SPON2: variants seen among roughly 807,000 people sequenced by gnomAD.
The protein encoded by SPON2 is spondin-2.
A neutral mutation model predicts 29.9 loss-of-function variants in SPON2; 32 were observed. The ratio of observed to expected loss-of-function variants is 1.07; its 90% CI spans 0.81 to 1.44. The LOEUF is 1.44. Among genes scored for constraint, SPON2 ranks in the 40% most tolerant of loss-of-function variants. The probability of loss-of-function intolerance (pLI) is 0.00; values close to 1 mark genes in which losing one functional copy is unlikely to be tolerated. For missense variants in SPON2, 541 were observed against 455.5 expected (o/e 1.19, Z -1.71); for synonymous variants, 248 against 209.1 (o/e 1.19, Z -1.61).
rs1416252366 is a variant in SPON2, at chr4:1,171,059, G to T, written c.576C>A (p.Asp192Glu). ...TGGGGGAGGAGAAGGTGAAGCCGCT[G>T]TCCGTCCCGGCGTCGTAGGGGTACA... ...LDLYPYDAGTDSGFTFSSPNF... is the reference protein window; with the variant it reads ...LDLYPYDAGTESGFTFSSPNF... Residue 192 changes from aspartate to glutamate, a missense_variant, in exon 4 of 6, where the codon GAC becomes GAA. By Grantham distance (45) the Asp-to-Glu change is conservative (BLOSUM62 2). Coordinates refer to ENST00000290902, the MANE Select transcript of SPON2 (RefSeq NM_012445.4). The T allele has an allele frequency of 1.3e-6, 2 of 1,548,900 alleles. No individual in the cohort carries two copies.
chr4:1,194,516 T>C (rs1434153123), intron 1 of SPON2, among the ~76,000 whole-genome samples: 2 of 152,146 alleles, frequency 1.3e-5, no homozygotes, highest in Non-Finnish European at 2.9e-5. Context: ...CAGGCAGGGC[T>C]GTGTGGGACA....
chr4:1,187,665 T>C (rs1727831089), intron 1 of SPON2, among the ~76,000 whole-genome samples: 1 of 152,314 alleles, frequency 6.6e-6, no homozygotes, highest in African/African-American at 2.4e-5. Flanking sequence ...AATTATAATT[T>C]AATGTCAATG....
chr4:1,171,535 C>T (rs769001627), intron 2 of SPON2, 49 bp from the exon 3 acceptor site: 2 of 1,576,692 alleles, frequency 1.3e-6, no homozygotes, highest in Non-Finnish European at 1.7e-6. Context: ...ACACTGCGGT[C>T]GGGCTTGGAT....
At chr4:1,185,708 CAAA>C (rs58836347) in intron 1 of SPON2, among the ~76,000 whole-genome samples, 3 of 69,648 alleles carry the variant, frequency 4.3e-5, no homozygotes, top group Non-Finnish European at 8.2e-5. Flanking sequence ...ACTCCATCTC[CAAA>C]AAAAAAAAGA....
At chr4:1,191,995 A>G (rs1385952413) in intron 1 of SPON2, among the ~76,000 whole-genome samples, 1 of 152,168 alleles carries the variant, frequency 6.6e-6, no homozygotes. Flanking sequence ...CTCTGATGGG[A>G]TAGAAGAGAC....
intron 1 of SPON2, among the ~76,000 whole-genome samples, chr4:1,187,840 C>T (rs890328454): frequency 1.3e-5 from 2 of 152,098 alleles, no homozygotes; most frequent in Admixed American, 6.6e-5. Context: ...AAAAGAGCTA[C>T]ACACATAAAC....
In SPON2 at chr4:1,202,939, G is replaced by A. The variant is rs1353372871; in HGVS notation, c.-234+4941C>T. 2.6e-5 allele frequency among the ~76,000 whole-genome samples: 4 copies of A among 152,238 alleles called. No homozygotes were observed. Among genetic ancestry groups the A allele is most frequent in the Non-Finnish European group, 2.9e-5 (2 of 68,040 alleles). ...CAAGGAGGGCTGGGCCAGGATCGGG[G>A]GAGACCCAGGCAGGCAGTGAGCTCT... On this transcript the variant is annotated intron_variant, in intron 1 of 3. Transcript: ENST00000509233. The surrounding 1 kb of genome is among the most constrained non-coding windows in gnomAD (Gnocchi z 5.4).
chr4:1,176,427 CA>C (rs1481710699), upstream of SPON2, among the ~76,000 whole-genome samples: 3 of 152,184 alleles, frequency 2.0e-5, no homozygotes. Context: ...TCCACCCATT[CA>C]AATAGTACAT....
rs564920076 is a variant in SPON2, at chr4:1,179,226, C to T, written c.-145+222G>A. On this transcript the variant is annotated intron_variant, in intron 2 of 3. Transcript: ENST00000502483. ...GACTGCAGCCACCATGCCAGGCTCA[C>T]GGGAGGGCCAGCAAACACAGCACTC... Among the ~76,000 whole-genome samples, 3 of 98,680 alleles carry T rather than the reference C, an allele frequency of 3.0e-5. No homozygotes were observed. In the South Asian group the frequency reaches 9.9e-4, roughly 33 times the overall value. The allele number at this position is 98,680 out of a possible 152,430, so 64.7% of individuals were successfully genotyped here.
At chr4:1,183,531 T>G (rs1490816563) in intron 1 of SPON2, among the ~76,000 whole-genome samples, 1 of 152,228 alleles carries the variant, frequency 6.6e-6, no homozygotes, top group Admixed American at 6.5e-5. Context: ...TTTAAAAGCA[T>G]GAGTCAAGAA....
intron 5 of SPON2, among the ~76,000 whole-genome samples, chr4:1,169,296 G>A (rs1398773900): frequency 6.6e-6 from 1 of 152,056 alleles, no homozygotes; most frequent in Non-Finnish European, 1.5e-5. Context: ...CTGCCTGTTG[G>A]GTAAGTGGCT....
rs1727293377 is a variant in SPON2 at position 1,167,750 on chromosome 4, CAG to C, written c.812-96_812-95del. The C allele has an allele frequency of 2.2e-5, 30 of 1,369,308 alleles. No homozygotes were observed. In the South Asian group the frequency reaches 3.8e-4, roughly 17 times the overall value. The allele number at this position is 1,369,308 out of a possible 1,614,324, so 84.8% of individuals were successfully genotyped here. A position where few individuals can be genotyped will look rare whatever the true frequency, so the allele number is the denominator to read the frequency against. ...ACCTCCCACCAACGTGTGCATTCATCAGAGGCCACGCCCACCCTTCGGGGGCA... is the reference window on the plus strand; with the variant it reads ...ACCTCCCACCAACGTGTGCATTCATCAGGCCACGCCCACCCTTCGGGGGCA... On this transcript the variant is annotated intron_variant, in intron 5 of 5. Transcript: ENST00000290902.
At chr4:1,203,127 C>A (rs567138111) in intron 1 of SPON2, among the ~76,000 whole-genome samples, 1 of 152,208 alleles carries the variant, frequency 6.6e-6, no homozygotes, top group Non-Finnish European at 1.5e-5. Flanking sequence ...CCCAGCCTGC[C>A]GGCACCTGGA....
At chr4:1,207,708 G>T (rs891550568) in intron 1 of SPON2, among the ~76,000 whole-genome samples, 18 of 152,272 alleles carry the variant, frequency 1.2e-4, no homozygotes, top group Admixed American at 7.2e-4. Flanking sequence ...ACCATGCGCC[G>T]CGCTTACAGA....
Position 1,171,912 on chromosome 4 carries a change from T to C in SPON2, c.160A>G (p.Thr54Ala), listed in dbSNP as rs753290725. 6.2e-7 allele frequency: 1 copy of C among 1,612,854 alleles called. No homozygotes were observed. ...AGGGGGTACTGCTTGGGGAAGGCCG[T>C]CTGGCTCCACTTGCCCGTGAAGGTG... ...SITFTGKWSQTAFPKQYPLFR... is the reference protein window; with the variant it reads ...SITFTGKWSQAAFPKQYPLFR... Residue 54 changes from threonine (T) to alanine (A), a missense_variant, in exon 2 of 6, where the codon ACG becomes GCG. By Grantham distance (58) the Thr-to-Ala change is moderately conservative (BLOSUM62 0). Coordinates refer to ENST00000290902, the MANE Select transcript of SPON2 (RefSeq NM_012445.4).
upstream of SPON2, among the ~76,000 whole-genome samples, chr4:1,175,454 C>A (rs1167304957): frequency 5.9e-5 from 9 of 151,848 alleles, no homozygotes; most frequent in Admixed American, 5.9e-4. Context: ...CCTGGGGCCC[C>A]CACTTGGCGG....
intron 1 of SPON2, among the ~76,000 whole-genome samples, chr4:1,193,582 G>A (rs2108668854): frequency 7.5e-6 from 1 of 133,688 alleles, no homozygotes; most frequent in Admixed American, 7.6e-5. Flanking sequence ...ACCTGCCGCT[G>A]ACCATGGGAC....
upstream of SPON2, among the ~76,000 whole-genome samples, chr4:1,196,445 GCCGA>G (rs1375833734): frequency 6.6e-6 from 1 of 152,330 alleles, no homozygotes; most frequent in East Asian, 1.9e-4. Flanking sequence ...GTGGCCTCAT[GCCGA>G]CCAAGACCCT....
In SPON2 at chr4:1,167,598, T is replaced by G; in HGVS notation, c.870A>C (p.Gly290=). 4 of 1,613,526 alleles carry G rather than the reference T, an allele frequency of 2.5e-6. No homozygotes were observed. The highest frequency in any genetic ancestry group is 3.4e-6 in the Non-Finnish European group (4 of 1,179,980). Residue 290 remains glycine, a synonymous_variant, in exon 6 of 6, where the codon GGA becomes GGC. Coordinates refer to ENST00000290902, the MANE Select transcript of SPON2 (RefSeq NM_012445.4). ...VSLWSSWGLC[G]GHCGRLGTKS... is the part of the protein sequence containing the mutation. ...TGGTCCCGAGCCTCCCACAGTGGCC[T>G]CCGCACAGTCCCCAGGACGACCACA... is the stretch of plus-strand genomic sequence containing the variant.
Sources: gnomAD v4.1 joint callset for allele counts (sites outside exome capture counted in the v4.1 genomes callset) on GRCh38, gnomAD v4.1.1 for gene constraint, Gnocchi (gnomAD v3.1) non-coding constraint, MANE v1.5 for transcripts, NCBI Gene and HGNC (gene_info 2026-07-23, HGNC 2026-07-21) for gene names.